Variants in VAT1L observed in about 807,000 individuals in gnomAD.
VAT1L encodes vesicle amine transport 1 like, also known as putative NADPH-dependent quinone oxidoreductase VAT1L.
Under a neutral mutation model 44.1 loss-of-function variants are expected in VAT1L, and 34 were observed. The observed-to-expected ratio is 0.77, with a 90% CI of 0.59 to 1.03. The LOEUF is 1.03. Ranked by LOEUF, VAT1L falls within the 50% of genes least tolerant of loss-of-function variation. VAT1L has a pLI of 0.00. For missense variants in VAT1L, 615 were observed against 538.8 expected, an observed-to-expected ratio of 1.14 and a Z score of -1.40; for synonymous variants, 253 against 202.2, an observed-to-expected ratio of 1.25 and a Z score of -2.13.
intron 7 of VAT1L, among the ~76,000 whole-genome samples, chr16:77,921,281 A>G (rs1355227147): frequency 6.6e-6 from 1 of 152,206 alleles, no homozygotes; most frequent in East Asian, 1.9e-4. Context: ...TCCTCATGGA[A>G]TTGCTTTTAC....
chr16:77,865,253 G>A (rs2016961178), intron 4 of VAT1L, among the ~76,000 whole-genome samples: 2 of 152,148 alleles, frequency 1.3e-5, no homozygotes, highest in African/African-American at 2.4e-5. Flanking sequence ...TATTACAGGT[G>A]TGACTGCGCC....
chr16:77,940,380 G>T (rs916468351), intron 7 of VAT1L, among the ~76,000 whole-genome samples: 28 of 120,734 alleles, frequency 2.3e-4, no homozygotes, highest in African/African-American at 8.4e-4. Flanking sequence ...CTCTCACTCT[G>T]TCTTCCAGGT....
intron 7 of VAT1L, among the ~76,000 whole-genome samples, chr16:77,942,050 G>T (rs143430376): frequency 6.6e-6 from 1 of 152,010 alleles, no homozygotes; most frequent in Non-Finnish European, 1.5e-5. Context: ...GTTTTGATTC[G>T]CATTTCTCTA....
At position 77,812,230 on chromosome 16, in the gene VAT1L, G is replaced by A. The variant is rs538322377; in HGVS notation, c.234-4691G>A. Reference sequence around the variant, plus strand: ...TGAGACTATAGGCGTGCGCTATCACGCCCGGCTAATTTTTGTATTTTTAGT... The same window carrying A: ...TGAGACTATAGGCGTGCGCTATCACACCCGGCTAATTTTTGTATTTTTAGT... On this transcript the variant is annotated intron_variant, in intron 1 of 8. Transcript: ENST00000302536. Among the ~76,000 whole-genome samples, 146 of 151,896 alleles carry A rather than the reference G, an allele frequency of 9.6e-4. 1 individual carries two copies. The highest frequency in any genetic ancestry group is 1.6e-3 in the Non-Finnish European group (107 of 67,970).
In VAT1L at chr16:77,978,190, G is replaced by C. The variant is rs533027382; in HGVS notation, c.*495G>C. 22 of 155,050 alleles carry C rather than the reference G, an allele frequency of 1.4e-4. No homozygotes were observed. In the South Asian group the frequency reaches 3.4e-3, roughly 24 times the overall value. The allele number at this position is 155,050 out of a possible 1,614,324, so 9.6% of individuals were successfully genotyped here. On this transcript the variant is annotated 3_prime_UTR_variant, in exon 9 of 9. Transcript: ENST00000302536. Reference sequence around the variant, plus strand: ...GAGAGTAGGCCGGATGTTTTCATGAGCCCACAAATTTAGAAACTCTCCTAG... The same window carrying C: ...GAGAGTAGGCCGGATGTTTTCATGACCCCACAAATTTAGAAACTCTCCTAG...
chr16:77,972,001 A>G lies in VAT1L; in HGVS notation c.1161+68A>G, dbSNP rs568800870. 6.1e-6 allele frequency: 9 copies of G among 1,485,456 alleles called. No homozygotes were observed. In the African/African-American group the frequency reaches 1.2e-4, roughly 21 times the overall value. 92.0% of individuals were successfully genotyped at this position (1,485,456 alleles called of 1,614,324 possible). ...AGCACCACGGGTCAATCAGATGCAG[A>G]CACGGGTGGGGTAGAAGGAAGTACA... On this transcript the variant is annotated intron_variant, in intron 8 of 8. Transcript: ENST00000302536.
chr16:77,858,722 G>T (rs776489891), intron 3 of VAT1L, among the ~76,000 whole-genome samples: 1 of 152,050 alleles, frequency 6.6e-6, no homozygotes, highest in Non-Finnish European at 1.5e-5. Flanking sequence ...ATAAGGTGAC[G>T]CTGGGCACAG....
chr16:77,962,299 T>C (rs1342402795), intron 7 of VAT1L, among the ~76,000 whole-genome samples: 2 of 152,120 alleles, frequency 1.3e-5, no homozygotes, highest in Admixed American at 1.3e-4. Context: ...GGAATAGAAT[T>C]CTGGAAGGCC....
intron 4 of VAT1L, among the ~76,000 whole-genome samples, chr16:77,874,084 T>A (rs963375186): frequency 1.3e-5 from 2 of 152,072 alleles, no homozygotes; most frequent in African/African-American, 2.4e-5. Context: ...CCAAGTAGAA[T>A]GCAGATGTGA....
Position 77,971,904 on chromosome 16 carries a change from C to T in VAT1L, c.1132C>T (p.Leu378=). Reference sequence around the variant, plus strand: ...CCGAGGGAACATTGGCAAGTTAATTCTGGATGTAGAAAAGACCCCAACTCC... The same window carrying T: ...CCGAGGGAACATTGGCAAGTTAATTTTGGATGTAGAAAAGACCCCAACTCC... ...HDRGNIGKLI[L]DVEKTPTPLM... The change falls in exon 8 of 9, where the codon CTG becomes TTG. Residue 378 remains leucine (L), a synonymous_variant. Transcript: ENST00000302536. 6.2e-7 allele frequency: 1 copy of T among 1,613,838 alleles called. No homozygotes were observed. The highest frequency in any genetic ancestry group is 8.5e-7 in the Non-Finnish European group (1 of 1,179,872).
intron 3 of VAT1L, among the ~76,000 whole-genome samples, chr16:77,846,828 T>C (rs1375672258): frequency 6.6e-6 from 1 of 152,164 alleles, no homozygotes; most frequent in Admixed American, 6.5e-5. Context: ...AAGAAAAAGA[T>C]AATCAGGGTA....
At chr16:77,865,770 T>C (rs1163391703) in intron 4 of VAT1L, among the ~76,000 whole-genome samples, 4 of 152,296 alleles carry the variant, frequency 2.6e-5, no homozygotes, top group Middle Eastern at 3.4e-3. Flanking sequence ...GCTGAACTTA[T>C]GAACCTGAAA....
At chr16:77,939,353 G>C (rs1439993029) in intron 7 of VAT1L, among the ~76,000 whole-genome samples, 1 of 152,068 alleles carries the variant, frequency 6.6e-6, no homozygotes, top group Non-Finnish European at 1.5e-5. Flanking sequence ...GGCATCAGTG[G>C]TGTTATATCA....
In VAT1L at chr16:77,977,861, G is replaced by A; in HGVS notation, c.*166G>A. The A allele has an allele frequency of 1.5e-6, 1 of 646,332 alleles. No homozygotes were observed. Among genetic ancestry groups the A allele is most frequent in the Non-Finnish European group, 2.8e-6 (1 of 363,436 alleles). The allele number at this position is 646,332 out of a possible 1,614,324, so 40.0% of individuals were successfully genotyped here. On this transcript the variant is annotated 3_prime_UTR_variant, in exon 9 of 9. Coordinates refer to ENST00000302536, the MANE Select transcript of VAT1L (RefSeq NM_020927.3). ...GTTGATCACTGTTGTTTTTTGAAGT[G>A]CCAATCCCATGCCATGCAGTATTAT...
chr16:77,946,737 C>T (rs971218544), intron 7 of VAT1L, among the ~76,000 whole-genome samples: 2 of 152,204 alleles, frequency 1.3e-5, no homozygotes, highest in African/African-American at 4.8e-5. Flanking sequence ...ACCTACCTCC[C>T]CAACTTACCA....
At chr16:77,899,125 T>C (rs1211812269) in intron 7 of VAT1L, among the ~76,000 whole-genome samples, 1 of 152,184 alleles carries the variant, frequency 6.6e-6, no homozygotes, top group East Asian at 1.9e-4. Flanking sequence ...CTCATGGCAA[T>C]CCTGTAGGGA....
intron 4 of VAT1L, among the ~76,000 whole-genome samples, chr16:77,868,596 G>T (rs1032169206): frequency 6.6e-6 from 1 of 152,238 alleles, no homozygotes; most frequent in African/African-American, 2.4e-5. Flanking sequence ...ACGGGACTCA[G>T]TTCCAGGTGG....
intron 1 of VAT1L, among the ~76,000 whole-genome samples, chr16:77,795,956 G>C (rs949249374): frequency 2.0e-5 from 3 of 151,098 alleles, no homozygotes; most frequent in African/African-American, 7.3e-5. Flanking sequence ...CTCCCAAGTA[G>C]CTGGGATTAC....
intron 7 of VAT1L, among the ~76,000 whole-genome samples, chr16:77,911,088 T>A (rs2017495228): frequency 6.6e-6 from 1 of 152,252 alleles, no homozygotes; most frequent in South Asian, 2.1e-4. Flanking sequence ...AGAACTGGTT[T>A]GCAGTAACCT....
Sources: gnomAD v4.1 joint callset for allele counts (sites outside exome capture counted in the v4.1 genomes callset) on GRCh38, gnomAD v4.1.1 for gene constraint, MANE v1.5 for transcripts, NCBI Gene and HGNC (gene_info 2026-07-23, HGNC 2026-07-21) for gene names.